KLHL32: variants seen among roughly 807,000 people sequenced by gnomAD.
KLHL32 encodes the protein kelch-like protein 32.
Under a neutral mutation model 64.8 loss-of-function variants are expected in KLHL32, and 35 were observed. The ratio of observed to expected loss-of-function variants is 0.54; its 90% CI spans 0.41 to 0.72. KLHL32 has a LOEUF of 0.72. Ranked by LOEUF, KLHL32 falls within the 30% of genes least tolerant of loss-of-function variation. KLHL32 has a pLI of 0.00. For synonymous variants in KLHL32, 259 were observed against 281.0 expected, an observed-to-expected ratio of 0.92 and a Z score of 0.78; for missense variants, 589 against 768.5, an observed-to-expected ratio of 0.77 and a Z score of 2.76.
In KLHL32 at chr6:97,018,152, G is replaced by A. The variant is rs572375554; in HGVS notation, c.205-23340G>A. On this transcript the variant is annotated intron_variant, in intron 3 of 10. Coordinates refer to ENST00000369261, the MANE Select transcript of KLHL32 (RefSeq NM_052904.4). Reference sequence around the variant, plus strand: ...CAGTAAGTATAATTAATATTGAATCGAAACTTTTTTCAATGCTACATACTT... The same window carrying A: ...CAGTAAGTATAATTAATATTGAATCAAAACTTTTTTCAATGCTACATACTT... Among the ~76,000 whole-genome samples, 20 of 111,918 alleles carry A rather than the reference G, an allele frequency of 1.8e-4. 2 individuals carry two copies. In the South Asian group the frequency reaches 2.5e-3, roughly 14 times the overall value. The allele number at this position is 111,918 out of a possible 152,430, so 73.4% of individuals were successfully genotyped here.
intron 6 of KLHL32, among the ~76,000 whole-genome samples, chr6:97,112,955 C>G (rs886296767): frequency 1.3e-5 from 2 of 151,362 alleles, no homozygotes; most frequent in Admixed American, 1.3e-4. Context: ...ATTCTCTTTG[C>G]TCATATCAAA....
chr6:96,968,936 A>C (rs1774803627), intron 2 of KLHL32, among the ~76,000 whole-genome samples: 1 of 152,140 alleles, frequency 6.6e-6, no homozygotes, highest in Admixed American at 6.5e-5. Context: ...TACTCCACAA[A>C]TTGATTGTTT....
At position 97,113,850 on chromosome 6, in the gene KLHL32, G is replaced by A. The variant is rs752627797; in HGVS notation, c.695G>A (p.Arg232His). The change falls in exon 7 of 11, where the codon CGC becomes CAC. Residue 232 changes from arginine to histidine, a missense_variant. Arg to His is a conservative substitution (Grantham distance 29). This residue lies in a region of KLHL32 where 226 missense variants were observed against 353.2 expected (regional missense o/e 0.64). Coordinates refer to ENST00000369261, the MANE Select transcript of KLHL32 (RefSeq NM_052904.4). ...QYMDELLQYI[R>H]FGLMDVDTLH... ...ATGGACGAGCTCCTGCAATACATCC[G>A]CTTTGGCCTAATGGATGTGGATACT... 26 of 1,613,882 alleles carry A rather than the reference G, an allele frequency of 1.6e-5. No individual in the cohort carries two copies. Among genetic ancestry groups the A allele is most frequent in the South Asian group, 2.2e-5 (2 of 91,074 alleles).
chr6:97,092,435 T>C (rs1794398048), intron 6 of KLHL32, among the ~76,000 whole-genome samples: 1 of 152,214 alleles, frequency 6.6e-6, no homozygotes, highest in Non-Finnish European at 1.5e-5. Context: ...TACAAATTTG[T>C]ACCACTTCTT....
chr6:96,975,698 C>T lies in KLHL32; in HGVS notation c.24-299C>T, dbSNP rs981295493. On this transcript the variant is annotated intron_variant, in intron 2 of 10. Coordinates refer to ENST00000369261, the MANE Select transcript of KLHL32 (RefSeq NM_052904.4). ...AAGGGACGGGACCCAGAAACAGAGG[C>T]TTGCAGGTCCAGACACCTGGGTCAG... is the stretch of plus-strand genomic sequence containing the variant. Among the ~76,000 whole-genome samples the T allele has an allele frequency of 6.6e-5, 10 of 152,148 alleles. No homozygotes were observed. In the South Asian group the frequency reaches 2.1e-3, roughly 32 times the overall value.
rs752207345 is a variant in KLHL32 at position 97,064,693 on chromosome 6, G to A, written c.378G>A (p.Glu126=). ...CGGGCAGTCACCTACAGCTGTTGGAGCTTCTCAATTTATGCTCCCACTATC... is the reference window on the plus strand; with the variant it reads ...CGGGCAGTCACCTACAGCTGTTGGAACTTCTCAATTTATGCTCCCACTATC... ...LAAGSHLQLL[E]LLNLCSHYLI... Residue 126 remains glutamate (E), a synonymous_variant, in exon 5 of 11, where the codon GAG becomes GAA. Coordinates refer to ENST00000369261, the MANE Select transcript of KLHL32 (RefSeq NM_052904.4). 14 of 1,614,126 alleles carry A rather than the reference G, an allele frequency of 8.7e-6. No homozygotes were observed. In the South Asian group the frequency reaches 1.1e-4, roughly 13 times the overall value.
the KLHL32 span, among the ~76,000 whole-genome samples, chr6:96,912,008 C>G: frequency 6.6e-6 from 1 of 151,790 alleles, no homozygotes; most frequent in Non-Finnish European, 1.5e-5. Flanking sequence ...CCAAATCTAT[C>G]ACTCCAGCCA....
At chr6:96,927,988 A>G (rs941615942) in intron 1 of KLHL32, among the ~76,000 whole-genome samples, 3 of 152,230 alleles carry the variant, frequency 2.0e-5, no homozygotes, top group South Asian at 4.1e-4. Context: ...GTGAAGTCCA[A>G]TTGGAGCAAT....
chr6:97,054,139 A>G (rs1289710265), intron 4 of KLHL32, among the ~76,000 whole-genome samples: 4 of 152,294 alleles, frequency 2.6e-5, no homozygotes, highest in Admixed American at 6.5e-5. Flanking sequence ...AATTGTAATT[A>G]ATATCAGGAT....
intron 5 of KLHL32, among the ~76,000 whole-genome samples, chr6:97,065,646 T>C (rs1168471473): frequency 6.6e-6 from 1 of 152,240 alleles, no homozygotes; most frequent in Non-Finnish European, 1.5e-5. Context: ...CATCACACAA[T>C]TTAATTCCAC....
intron 3 of KLHL32, among the ~76,000 whole-genome samples, chr6:97,018,655 G>T (rs10457247): frequency 6.6e-6 from 1 of 150,534 alleles, no homozygotes; most frequent in African/African-American, 2.4e-5. Flanking sequence ...ATGTACCTCA[G>T]AAAAAATATT....
chr6:96,987,555 C>T (rs1334732930), intron 3 of KLHL32, among the ~76,000 whole-genome samples: 1 of 152,124 alleles, frequency 6.6e-6, no homozygotes, highest in Non-Finnish European at 1.5e-5. Context: ...TCAATGCCAT[C>T]CCCATCAAGC....
intron 4 of KLHL32, among the ~76,000 whole-genome samples, chr6:97,061,828 A>C (rs1337464341): frequency 6.6e-6 from 1 of 152,158 alleles, no homozygotes; most frequent in South Asian, 2.1e-4. Context: ...CTTTGATTTC[A>C]TTGCTGGCCA....
chr6:97,028,206 A>G (rs1328387268), intron 3 of KLHL32, among the ~76,000 whole-genome samples: 2 of 152,136 alleles, frequency 1.3e-5, no homozygotes, highest in African/African-American at 4.8e-5. Context: ...AGTGTCGGGT[A>G]GGAGCCGAGA....
Position 97,139,681 on chromosome 6 carries a change from ATT to A in KLHL32, c.*401_*402del. On this transcript the variant is annotated 3_prime_UTR_variant, in exon 11 of 11. Coordinates refer to ENST00000369261, the MANE Select transcript of KLHL32 (RefSeq NM_052904.4). ...ATATTCTGTACTTAATCCCTTTATT[ATT>A]TAAAGCCGGGCTTGTAATTTTTCTT... The A allele has an allele frequency of 6.5e-6, 1 of 154,742 alleles. No individual in the cohort carries two copies. The highest frequency in any genetic ancestry group is 2.4e-5 in the African/African-American group (1 of 41,552). 9.6% of individuals were successfully genotyped at this position (154,742 alleles called of 1,614,324 possible).
intron 4 of KLHL32, among the ~76,000 whole-genome samples, chr6:97,046,707 C>G (rs1295356710): frequency 6.6e-6 from 1 of 152,118 alleles, no homozygotes; most frequent in Non-Finnish European, 1.5e-5. Context: ...TTGCAGTTTA[C>G]TTGAGATTGT....
At chr6:96,931,318 G>C (rs896861814) in intron 1 of KLHL32, among the ~76,000 whole-genome samples, 3 of 152,150 alleles carry the variant, frequency 2.0e-5, no homozygotes, top group African/African-American at 7.2e-5. Context: ...GAGTGCACAT[G>C]AGATTAGTAT....
intron 1 of KLHL32, among the ~76,000 whole-genome samples, chr6:96,955,038 A>G (rs1208732300): frequency 1.3e-5 from 2 of 152,186 alleles, no homozygotes; most frequent in Non-Finnish European, 2.9e-5. Context: ...TGACCATCAC[A>G]TTGTGGAGAA....
intron 1 of KLHL32, among the ~76,000 whole-genome samples, chr6:96,962,369 T>C (rs987753631): frequency 2.0e-5 from 3 of 152,152 alleles, no homozygotes; most frequent in Non-Finnish European, 4.4e-5. Context: ...GGTAAATAAT[T>C]TCAATTATGT....
Sources: allele counts gnomAD v4.1 joint callset (sites outside exome capture counted in the v4.1 genomes callset), GRCh38; gene constraint gnomAD v4.1.1; regional missense constraint gnomAD v4.1.1; transcripts MANE v1.5; gene names NCBI Gene and HGNC (gene_info 2026-07-23, HGNC 2026-07-21).